The following UNC5C variants were observed in gnomAD, a reference collection of about 807,000 sequenced individuals.
The protein encoded by UNC5C is netrin receptor UNC5C.
A neutral mutation model predicts 99.8 loss-of-function variants in UNC5C; 47 were observed. That is an observed-to-expected ratio of 0.47 (90% confidence interval 0.37 to 0.60). UNC5C has a LOEUF of 0.60. UNC5C is among the 20% of genes least tolerant of loss of function. UNC5C has a pLI of 0.00. For missense variants in UNC5C, 1,062 were observed against 1,165.9 expected (o/e 0.91, Z 1.30); for synonymous variants, 487 against 452.2 (o/e 1.08, Z -0.98).
intron 1 of UNC5C, among the ~76,000 whole-genome samples, chr4:95,394,276 A>G (rs1180963366): frequency 6.6e-6 from 1 of 151,486 alleles, no homozygotes; most frequent in African/African-American, 2.4e-5. Flanking sequence ...AAAACCCTCC[A>G]ATCCCACTAA....
intron 7 of UNC5C, among the ~76,000 whole-genome samples, chr4:95,238,774 A>G (rs934563946): frequency 6.6e-6 from 1 of 152,324 alleles, no homozygotes; most frequent in Admixed American, 6.5e-5. Flanking sequence ...GTTTCATAAG[A>G]TCTACATTCC....
intron 1 of UNC5C, among the ~76,000 whole-genome samples, chr4:95,521,393 T>G (rs1487257871): frequency 6.6e-6 from 1 of 151,762 alleles, no homozygotes. Context: ...TAATTTTGTA[T>G]TTTTAGTAGA....
At position 95,250,603 on chromosome 4, in the gene UNC5C, A is replaced by G; in HGVS notation, c.659T>C (p.Ile220Thr). The change falls in exon 5 of 16, where the codon ATT becomes ACT. Residue 220 changes from isoleucine (I) to threonine (T), a missense_variant. Physicochemically the swap from Ile to Thr is moderately conservative, Grantham distance 89. Coordinates refer to ENST00000453304, the MANE Select transcript of UNC5C (RefSeq NM_003728.4). ...PVEDRNFYIT[I>T]DHNLIIKQAR... ...CTGCTTTATGATGAGGTTGTGATCA[A>G]TAGTAATATAAAAATTCCGATCTTC... is the stretch of plus-strand genomic sequence containing the variant. 1 of 1,614,058 alleles carries G rather than the reference A, an allele frequency of 6.2e-7. No individual in the cohort carries two copies. Among genetic ancestry groups the G allele is most frequent in the South Asian group, 1.1e-5 (1 of 91,082 alleles).
In UNC5C at chr4:95,218,664, C is replaced by T. The variant is rs763506949; in HGVS notation, c.1645+305G>A. 2.6e-5 allele frequency among the ~76,000 whole-genome samples: 4 copies of T among 152,212 alleles called. No homozygotes were observed. The South Asian group carries it at 8.3e-4, about 32-fold the overall frequency. Reference sequence around the variant, plus strand: ...ATAATGACAACATTAGGACTTGTGGCTTGATGTTGCCTTCTGAAGTTCTAG... The same window carrying T: ...ATAATGACAACATTAGGACTTGTGGTTTGATGTTGCCTTCTGAAGTTCTAG... On this transcript the variant is annotated intron_variant, in intron 9 of 15. Coordinates refer to ENST00000453304, the MANE Select transcript of UNC5C (RefSeq NM_003728.4).
At chr4:95,435,246 T>C (rs1238606594) in intron 1 of UNC5C, among the ~76,000 whole-genome samples, 3 of 152,048 alleles carry the variant, frequency 2.0e-5, no homozygotes, top group Non-Finnish European at 4.4e-5. Context: ...ATGAATCAAG[T>C]TGGACAGGGA....
At chr4:95,490,102 C>T (rs2149481011) in intron 1 of UNC5C, among the ~76,000 whole-genome samples, 1 of 151,352 alleles carries the variant, frequency 6.6e-6, no homozygotes, top group Non-Finnish European at 1.5e-5. Context: ...GAGGAAGAGC[C>T]AGGAAAGGAG....
chr4:95,316,181 A>G (rs1015344349), intron 2 of UNC5C, among the ~76,000 whole-genome samples: 3 of 152,250 alleles, frequency 2.0e-5, no homozygotes, highest in African/African-American at 7.2e-5. Context: ...TGTACATGGA[A>G]AAAAGGGAAA....
At chr4:95,225,901 A>G (rs1738668495) in intron 7 of UNC5C, among the ~76,000 whole-genome samples, 1 of 152,222 alleles carries the variant, frequency 6.6e-6, no homozygotes, top group Non-Finnish European at 1.5e-5. Context: ...AACATCACTT[A>G]GCAGGCTGGG....
At chr4:95,512,752 G>T (rs1722112224) in intron 1 of UNC5C, among the ~76,000 whole-genome samples, 1 of 151,996 alleles carries the variant, frequency 6.6e-6, no homozygotes, top group South Asian at 2.1e-4. Context: ...TTTATGCCAG[G>T]TTTATGGAGA....
intron 7 of UNC5C, among the ~76,000 whole-genome samples, chr4:95,232,236 TTACA>T (rs1275660442): frequency 6.7e-6 from 1 of 150,358 alleles, no homozygotes; most frequent in Non-Finnish European, 1.5e-5. Flanking sequence ...CTATAATATA[TTACA>T]TAAACTATAT....
intron 13 of UNC5C, among the ~76,000 whole-genome samples, chr4:95,184,481 C>T (rs1017996385): frequency 3.9e-5 from 6 of 152,194 alleles, no homozygotes; most frequent in African/African-American, 1.2e-4. Context: ...CTCAGGCTGA[C>T]GGATGAAGGA....
rs1405400280 is a variant in UNC5C at position 95,168,285 on chromosome 4, A to G, written c.*949T>C. On this transcript the variant is annotated 3_prime_UTR_variant, in exon 16 of 16. Coordinates refer to ENST00000453304, the MANE Select transcript of UNC5C (RefSeq NM_003728.4). ...AGGTAAAAGGTCAAGGAAGTGATGC[A>G]TGTTGAATTAAACTGATGACCACAC... The G allele has an allele frequency of 6.6e-6, 1 of 152,230 alleles. No individual in the cohort carries two copies. Among genetic ancestry groups the G allele is most frequent in the African/African-American group, 2.4e-5 (1 of 41,454 alleles). 9.4% of individuals were successfully genotyped at this position (152,230 alleles called of 1,614,324 possible). A position where few individuals can be genotyped will look rare whatever the true frequency, so the allele number is the denominator to read the frequency against.
chr4:95,284,597 G>A (rs1179077013), intron 3 of UNC5C, among the ~76,000 whole-genome samples: 1 of 152,156 alleles, frequency 6.6e-6, no homozygotes, highest in African/African-American at 2.4e-5. Context: ...AGGGAGAGAA[G>A]TGGGTTACAG....
At chr4:95,313,614 T>C (rs1742359186) in intron 2 of UNC5C, among the ~76,000 whole-genome samples, 1 of 152,180 alleles carries the variant, frequency 6.6e-6, no homozygotes, top group South Asian at 2.1e-4. Flanking sequence ...CCAAATGATT[T>C]GAAAACAAGC....
At chr4:95,434,747 G>A (rs954644335) in intron 1 of UNC5C, among the ~76,000 whole-genome samples, 7 of 151,942 alleles carry the variant, frequency 4.6e-5, no homozygotes, top group Admixed American at 3.3e-4. Context: ...CTCCGCATTG[G>A]TCTCCTTCTT....
intron 1 of UNC5C, among the ~76,000 whole-genome samples, chr4:95,428,539 G>A (rs1746546666): frequency 6.6e-6 from 1 of 152,130 alleles, no homozygotes; most frequent in South Asian, 2.1e-4. Context: ...GGAGTGTACA[G>A]ATGCTGGAGT....
intron 4 of UNC5C, among the ~76,000 whole-genome samples, chr4:95,255,543 C>G (rs1366561428): frequency 1.3e-5 from 2 of 152,142 alleles, no homozygotes; most frequent in Non-Finnish European, 1.5e-5. Context: ...TTCCAGGGCT[C>G]TCCCACTATC....
chr4:95,223,317 G>C (rs1486305004), intron 7 of UNC5C, among the ~76,000 whole-genome samples: 1 of 152,164 alleles, frequency 6.6e-6, no homozygotes, highest in Non-Finnish European at 1.5e-5. Flanking sequence ...AGATGACTAA[G>C]AAGCCTGTGA....
Position 95,292,771 on chromosome 4 carries a change from A to G in UNC5C, c.490+8835T>C, listed in dbSNP as rs369841292. Among the ~76,000 whole-genome samples the G allele has an allele frequency of 7.9e-5, 12 of 152,306 alleles. 1 individual carries two copies. In the East Asian group the frequency reaches 1.7e-3, roughly 22 times the overall value. On this transcript the variant is annotated intron_variant, in intron 3 of 15. Transcript: ENST00000453304. ...GAACAAATGATTCACATTGAATAGT[A>G]TCTTCACTTTTCCCCATCATGTACT... is the stretch of plus-strand genomic sequence containing the variant.
Sources: allele counts gnomAD v4.1 joint callset (sites outside exome capture counted in the v4.1 genomes callset), GRCh38; gene constraint gnomAD v4.1.1; transcripts MANE v1.5; gene names NCBI Gene and HGNC (gene_info 2026-07-23, HGNC 2026-07-21).